Variants in CCSER1 observed in about 807,000 individuals in gnomAD.
CCSER1 encodes the protein serine-rich coiled-coil domain-containing protein 1.
CCSER1 carries 41 observed loss-of-function variants against 82.0 expected under a neutral mutation model. The observed-to-expected ratio is 0.50, with a 90% CI of 0.39 to 0.65. The LOEUF (loss-of-function observed/expected upper bound fraction) is 0.65. CCSER1 is among the 30% of genes least tolerant of loss of function. The pLI, the probability that CCSER1 is intolerant of heterozygous loss-of-function variation, is 0.00. For synonymous variants in CCSER1, 414 were observed against 383.9 expected (o/e 1.08, Z -0.92); for missense variants, 1,119 against 1,064.2 (o/e 1.05, Z -0.72).
rs530047353 is a variant in CCSER1 at position 91,196,234 on chromosome 4, C to A, written c.2217+110240C>A. Among the ~76,000 whole-genome samples the A allele has an allele frequency of 2.0e-5, 3 of 149,812 alleles. No individual in the cohort carries two copies. In the South Asian group the frequency reaches 6.4e-4, roughly 32 times the overall value. On this transcript the variant is annotated intron_variant, in intron 10 of 10. Transcript: ENST00000509176. ...ATTTCTTTAAATGGATCCTCAAAGA[C>A]TGCATTTCTCTTCTAGCCCAAGAAG...
intron 3 of CCSER1, among the ~76,000 whole-genome samples, chr4:90,322,964 A>C (rs1737438925): frequency 6.6e-6 from 1 of 152,274 alleles, no homozygotes; most frequent in Middle Eastern, 3.4e-3. Flanking sequence ...AATGTTCTTT[A>C]GTTAGCAAAT....
At chr4:90,635,186 A>G (rs572822337) in intron 6 of CCSER1, among the ~76,000 whole-genome samples, 1 of 151,908 alleles carries the variant, frequency 6.6e-6, no homozygotes, top group South Asian at 2.1e-4. Flanking sequence ...AAATTTCTAG[A>G]AGACTTGAAC....
At chr4:90,882,446 T>A (rs1721478721) in intron 8 of CCSER1, among the ~76,000 whole-genome samples, 1 of 152,000 alleles carries the variant, frequency 6.6e-6, no homozygotes, top group African/African-American at 2.4e-5. Context: ...ATACTGGGCA[T>A]TTTTTTCTGA....
chr4:90,780,874 G>T, intron 7 of CCSER1: 1 of 787,828 alleles, frequency 1.3e-6, no homozygotes, highest in African/African-American at 1.9e-5. Flanking sequence ...AAATACCTGA[G>T]ACTAGGTGAT....
At chr4:90,392,804 T>C (rs1414060348) in intron 3 of CCSER1, among the ~76,000 whole-genome samples, 2 of 152,112 alleles carry the variant, frequency 1.3e-5, no homozygotes, top group African/African-American at 4.8e-5. Flanking sequence ...GTGAAAATAC[T>C]TTGTGGCTGC....
chr4:90,272,071 C>A (rs754571402), intron 1 of CCSER1, among the ~76,000 whole-genome samples: 2 of 151,198 alleles, frequency 1.3e-5, no homozygotes, highest in Non-Finnish European at 2.9e-5. Context: ...ACTGTCACGA[C>A]AACAGCGTGG....
chr4:90,628,367 C>A, intron 6 of CCSER1, 135 bp downstream of exon 6: 1 of 644,022 alleles, frequency 1.6e-6, no homozygotes, highest in South Asian at 2.0e-5. Flanking sequence ...TGGAGCTTAG[C>A]TATTTTCATA....
At chr4:90,316,001 T>C (rs1209511933) in intron 3 of CCSER1, among the ~76,000 whole-genome samples, 1 of 152,208 alleles carries the variant, frequency 6.6e-6, no homozygotes, top group Non-Finnish European at 1.5e-5. Context: ...TTTAAGCAAC[T>C]GCATGTATTT....
At chr4:91,188,434 G>A (rs542817512) in intron 10 of CCSER1, among the ~76,000 whole-genome samples, 76 of 152,194 alleles carry the variant, frequency 5.0e-4, no homozygotes, top group African/African-American at 1.7e-3. Flanking sequence ...TTTATTTTGC[G>A]AAATTTTTCA....
At chr4:90,846,707 C>T (rs1003206240) in intron 8 of CCSER1, among the ~76,000 whole-genome samples, 1 of 149,176 alleles carries the variant, frequency 6.7e-6, no homozygotes, top group South Asian at 2.1e-4. Context: ...CATTAACCAA[C>T]CCGTCTTCAT....
chr4:90,578,284 G>A lies in CCSER1; in HGVS notation c.1725-49741G>A, dbSNP rs117232122. Among the ~76,000 whole-genome samples the A allele has an allele frequency of 7.6e-4, 115 of 152,098 alleles. 1 individual carries two copies. In the East Asian group the frequency reaches 0.014, roughly 19 times the overall value. ...GAATTTTAACATGGGTTTAAACTGG[G>A]CCAAAATCAAGAAGTCAGCAAGACC... On this transcript the variant is annotated intron_variant, in intron 5 of 10. Coordinates refer to ENST00000509176, the MANE Select transcript of CCSER1 (RefSeq NM_001145065.2).
intron 10 of CCSER1, among the ~76,000 whole-genome samples, chr4:91,221,684 A>G (rs1278075961): frequency 6.6e-6 from 1 of 152,196 alleles, no homozygotes; most frequent in African/African-American, 2.4e-5. Flanking sequence ...TATTTCAGTC[A>G]TAAGTTTAAA....
chr4:90,586,409 C>T (rs527986420), intron 5 of CCSER1, among the ~76,000 whole-genome samples: 10 of 152,180 alleles, frequency 6.6e-5, no homozygotes, highest in African/African-American at 2.4e-4. Context: ...ATATAACTGT[C>T]AAAGAGTTGA....
chr4:91,360,792 C>A (rs1462308385), intron 10 of CCSER1, among the ~76,000 whole-genome samples: 1 of 151,844 alleles, frequency 6.6e-6, no homozygotes, highest in Non-Finnish European at 1.5e-5. Flanking sequence ...TTGGATGTCT[C>A]ATTTATATGA....
chr4:90,948,543 A>G (rs147718347), intron 9 of CCSER1, among the ~76,000 whole-genome samples: 1,873 of 152,046 alleles, frequency 0.012, 14 homozygotes, highest in Non-Finnish European at 0.018. Context: ...TATTGTCACA[A>G]TTTAAAATCT....
chr4:90,690,790 A>G (rs1273212834), intron 6 of CCSER1, among the ~76,000 whole-genome samples: 1 of 151,994 alleles, frequency 6.6e-6, no homozygotes, highest in Non-Finnish European at 1.5e-5. Flanking sequence ...ATTCCCTAGA[A>G]TGACCATTTG....
At chr4:91,096,780 C>G (rs960050398) in intron 10 of CCSER1, among the ~76,000 whole-genome samples, 1 of 152,122 alleles carries the variant, frequency 6.6e-6, no homozygotes, top group Non-Finnish European at 1.5e-5. Context: ...ATATCATGCT[C>G]ACACCACACA....
chr4:90,893,972 T>C lies in CCSER1; in HGVS notation c.2095-29398T>C, dbSNP rs116021172. ...ATAGCTAGATAATATTGTTGTAGAG[T>C]TGAAAATCTATGTTTAACTTACAAT... On this transcript the variant is annotated intron_variant, in intron 8 of 10. Coordinates refer to ENST00000509176, the MANE Select transcript of CCSER1 (RefSeq NM_001145065.2). Among the ~76,000 whole-genome samples, 395 of 152,084 alleles carry C rather than the reference T, an allele frequency of 2.6e-3. 1 individual carries two copies. The highest frequency in any genetic ancestry group is 8.6e-3 in the African/African-American group (357 of 41,524).
chr4:90,991,868 TA>T (rs1354110990), intron 9 of CCSER1, among the ~76,000 whole-genome samples: 2 of 152,042 alleles, frequency 1.3e-5, no homozygotes, highest in Non-Finnish European at 2.9e-5. Context: ...ATCACTTATT[TA>T]CCACCTACTT....
Sources: allele counts gnomAD v4.1 joint callset (sites outside exome capture counted in the v4.1 genomes callset), GRCh38; gene constraint gnomAD v4.1.1; transcripts MANE v1.5; gene names NCBI Gene and HGNC (gene_info 2026-07-23, HGNC 2026-07-21).